METTL24: variants seen among roughly 807,000 people sequenced by gnomAD.
METTL24 encodes the protein probable methyltransferase-like protein 24.
METTL24 carries 29 observed loss-of-function variants against 32.7 expected under a neutral mutation model. The observed-to-expected ratio is 0.89, with a 90% CI of 0.66 to 1.21. The LOEUF (loss-of-function observed/expected upper bound fraction) is 1.21. Among genes scored for constraint, METTL24 ranks in the 50% most tolerant of loss-of-function variants. The pLI is 0.00. For missense variants in METTL24, 439 were observed against 468.1 expected (o/e 0.94, Z 0.57); for synonymous variants, 163 against 179.5 (o/e 0.91, Z 0.73).
At chr6:110,277,990 G>A (rs1296962229) in intron 4 of METTL24, among the ~76,000 whole-genome samples, 1 of 152,078 alleles carries the variant, frequency 6.6e-6, no homozygotes, top group Admixed American at 6.6e-5. Flanking sequence ...CCTGTTATAA[G>A]CCCAACCATG....
At chr6:110,291,895 A>C (rs1408578050) in intron 4 of METTL24, among the ~76,000 whole-genome samples, 2 of 152,234 alleles carry the variant, frequency 1.3e-5, no homozygotes, top group Non-Finnish European at 2.9e-5. Context: ...TCTTTATGTC[A>C]GTACCAGACT....
intron 1 of METTL24, among the ~76,000 whole-genome samples, chr6:110,334,257 G>A (rs150895172): frequency 1.3e-5 from 2 of 152,302 alleles, no homozygotes; most frequent in East Asian, 3.9e-4. Flanking sequence ...CAGGGAAAGT[G>A]TTTCCTTTCC....
At chr6:110,317,341 G>C (rs981325395) in intron 2 of METTL24, among the ~76,000 whole-genome samples, 1 of 152,142 alleles carries the variant, frequency 6.6e-6, no homozygotes, top group Admixed American at 6.5e-5. Context: ...CAGATAAATG[G>C]AAATTATGTC....
intron 1 of METTL24, among the ~76,000 whole-genome samples, chr6:110,336,509 G>A (rs1395390349): frequency 6.6e-6 from 1 of 152,160 alleles, no homozygotes; most frequent in Non-Finnish European, 1.5e-5. Context: ...GGGAGGCTGA[G>A]GTGGGCGGAT....
intron 4 of METTL24, among the ~76,000 whole-genome samples, chr6:110,277,643 A>G (rs1046663679): frequency 6.6e-6 from 1 of 152,198 alleles, no homozygotes; most frequent in African/African-American, 2.4e-5. Context: ...GGAAAACGTT[A>G]TAGAAATCTA....
intron 2 of METTL24, among the ~76,000 whole-genome samples, chr6:110,318,651 C>CAAAAAA (rs56890760): frequency 2.0e-4 from 18 of 90,426 alleles, no homozygotes; most frequent in African/African-American, 4.5e-4. Flanking sequence ...GACTCTACCT[C>CAAAAAA]AAAAAAAAAA....
chr6:110,300,685 T>A (rs1309079018), intron 3 of METTL24, among the ~76,000 whole-genome samples: 1 of 152,096 alleles, frequency 6.6e-6, no homozygotes, highest in Non-Finnish European at 1.5e-5. Flanking sequence ...CCTCCCAAAG[T>A]ACTGGGATTA....
At chr6:110,337,606 G>A (rs1353897519) in intron 1 of METTL24, among the ~76,000 whole-genome samples, 1 of 152,162 alleles carries the variant, frequency 6.6e-6, no homozygotes, top group Middle Eastern at 3.2e-3. Context: ...ACAAGTCAGT[G>A]TCAAGATCAG....
chr6:110,310,298 T>C lies in METTL24; in HGVS notation c.557+5044A>G, dbSNP rs576973028. Among the ~76,000 whole-genome samples the C allele has an allele frequency of 5.1e-4, 78 of 152,304 alleles. No individual in the cohort carries two copies. In the South Asian group the frequency reaches 0.012, roughly 23 times the overall value. ...AAAAGAGACAAAAAATATGTACCTA[T>C]GTATTAGCCCTTTTCAAATCTTTCC... is the stretch of plus-strand genomic sequence containing the variant. On this transcript the variant is annotated intron_variant, in intron 3 of 4. Transcript: ENST00000338882.
intron 3 of METTL24, among the ~76,000 whole-genome samples, chr6:110,305,605 G>A (rs1771613126): frequency 6.6e-6 from 1 of 151,498 alleles, no homozygotes; most frequent in Non-Finnish European, 1.5e-5. Flanking sequence ...TCAGAGAAAT[G>A]CAAATCAAAA....
chr6:110,349,907 C>A (rs1052495998), intron 1 of METTL24, among the ~76,000 whole-genome samples: 1 of 152,186 alleles, frequency 6.6e-6, no homozygotes, highest in African/African-American at 2.4e-5. Context: ...AGGAATACCA[C>A]CTCCAGATAT....
chr6:110,308,254 C>T (rs1346210790), intron 3 of METTL24, among the ~76,000 whole-genome samples: 1 of 152,192 alleles, frequency 6.6e-6, no homozygotes, highest in Non-Finnish European at 1.5e-5. Context: ...GCAAGTAGTA[C>T]TGCAGTCCCA....
chr6:110,247,642 C>G (rs1778192941), intron 4 of METTL24, among the ~76,000 whole-genome samples: 1 of 152,134 alleles, frequency 6.6e-6, no homozygotes. Flanking sequence ...AAGGCTGTAG[C>G]CCCAAGAGGG....
chr6:110,338,577 AAACCAGAGATGGCAAGTAG>A (rs1772286868), intron 1 of METTL24, among the ~76,000 whole-genome samples: 1 of 152,230 alleles, frequency 6.6e-6, no homozygotes, highest in South Asian at 2.1e-4. Flanking sequence ...ATTAAAGTTA[AAACCAGAGATGGCAAGTAG>A]TTTAGCAGGA....
intron 1 of METTL24, among the ~76,000 whole-genome samples, chr6:110,343,894 G>A (rs1772413197): frequency 6.6e-6 from 1 of 152,312 alleles, no homozygotes; most frequent in South Asian, 2.1e-4. Context: ...GTGGCCAGAG[G>A]TGAAACACTG....
At chr6:110,287,326 C>A (rs118173400) in intron 4 of METTL24, among the ~76,000 whole-genome samples, 1 of 152,084 alleles carries the variant, frequency 6.6e-6, no homozygotes, top group East Asian at 1.9e-4. Context: ...TGACGGAGAC[C>A]GACAGATGTC....
chr6:110,246,306 T>C, intron 4 of METTL24, 46 bp from the exon 5 acceptor site: 1 of 1,489,726 alleles, frequency 6.7e-7, no homozygotes, highest in Non-Finnish European at 9.1e-7. Flanking sequence ...AGTAAAACTA[T>C]CTTGATATCA....
chr6:110,314,613 A>T (rs114761159), intron 3 of METTL24, among the ~76,000 whole-genome samples: 2,240 of 152,308 alleles, frequency 0.015, 51 homozygotes, highest in African/African-American at 0.051. Flanking sequence ...AAAACATACA[A>T]ATCTAACAAT....
chr6:110,332,523 T>A, intron 1 of METTL24: 1 of 979,202 alleles, frequency 1.0e-6, no homozygotes, highest in Non-Finnish European at 1.2e-6. Flanking sequence ...GTAGTAAAGT[T>A]TCAGATGTCA....
Sources: gnomAD v4.1 joint callset for allele counts (sites outside exome capture counted in the v4.1 genomes callset) on GRCh38, gnomAD v4.1.1 for gene constraint, MANE v1.5 for transcripts, NCBI Gene and HGNC (gene_info 2026-07-23, HGNC 2026-07-21) for gene names.